Variants in AHNAK2 observed in about 807,000 individuals in gnomAD.
AHNAK2 encodes AHNAK nucleoprotein 2.
A neutral mutation model predicts 30.7 loss-of-function variants in AHNAK2; 18 were observed. The ratio of observed to expected loss-of-function variants is 0.59; its 90% CI spans 0.41 to 0.87. AHNAK2 has a LOEUF of 0.87. Ranked by LOEUF, AHNAK2 falls within the 40% of genes least tolerant of loss-of-function variation. AHNAK2 has a pLI of 0.00. For missense variants in AHNAK2, 8,604 were observed against 7,373.0 expected, an observed-to-expected ratio of 1.17 and a Z score of -6.11; for synonymous variants, 3,590 against 3,073.8, an observed-to-expected ratio of 1.17 and a Z score of -5.56.
Position 104,939,394 on chromosome 14 carries a change from C to T in AHNAK2, c.16057G>A (p.Gly5353Ser). Residue 5353 changes from glycine (G) to serine (S), a missense_variant, in exon 7 of 7, where the codon GGT becomes AGT. Transcript: ENST00000333244. ...CTTGAAGCTTTCAATTTAAGTGGAC[C>T]TTCAGGCTGGGAAGACCATTTCTCT... ...KTEKWSSQPEGPLKLKASSTD... is the reference protein window; with the variant it reads ...KTEKWSSQPESPLKLKASSTD... The T allele has an allele frequency of 1.2e-6, 2 of 1,613,634 alleles. No individual in the cohort carries two copies. Among genetic ancestry groups the T allele is most frequent in the Non-Finnish European group, 1.7e-6 (2 of 1,179,874 alleles).
intron 1 of AHNAK2, among the ~76,000 whole-genome samples, chr14:104,976,398 A>G (rs1300336872): frequency 6.6e-6 from 1 of 152,148 alleles, no homozygotes; most frequent in African/African-American, 2.4e-5. Flanking sequence ...AGCAGGGGAG[A>G]GTCCGCCCAT....
At chr14:104,967,245 T>A (rs1899331854) in intron 1 of AHNAK2, among the ~76,000 whole-genome samples, 1 of 151,818 alleles carries the variant, frequency 6.6e-6, no homozygotes, top group Non-Finnish European at 1.5e-5. Context: ...GGCAGGAGCC[T>A]GGATGGGTTG....
rs535871665 is a variant in AHNAK2 at position 104,949,331 on chromosome 14, G to A, written c.6120C>T (p.Pro2040=). The change falls in exon 7 of 7, where the codon CCC becomes CCT. Residue 2040 remains proline (P), a synonymous_variant. Transcript: ENST00000333244. The stretch of plus-strand genomic sequence containing the variant: ...TCTGGACCTTCAGGTCGGCAGAAGG[G>A]GGCTGAATGCTGAGGTCAGTGGTCT... ...DLKTTDLSIQ[P]PSADLKVQTG... 1,682 of 1,495,494 alleles carry A rather than the reference G, an allele frequency of 1.1e-3. 542 individuals are homozygous for A. The South Asian group carries it at 0.018, about 16-fold the overall frequency. The allele number at this position is 1,495,494 out of a possible 1,614,324, so 92.6% of individuals were successfully genotyped here.
chr14:104,941,280 C>T lies in AHNAK2; in HGVS notation c.14171G>A (p.Gly4724Asp), dbSNP rs377189197. ...GGAAAGACCTATGCTAGACTTTGCACCTGGGACTAAACTATCTTTAGGAGT... is the reference window on the plus strand; with the variant it reads ...GGAAAGACCTATGCTAGACTTTGCATCTGGGACTAAACTATCTTTAGGAGT... ...TKTPKDSLVPGAKSSIGLSTI... is the reference protein window; with the variant it reads ...TKTPKDSLVPDAKSSIGLSTI... Residue 4724 changes from glycine to aspartate, a missense_variant, in exon 7 of 7, where the codon GGT becomes GAT. Gly to Asp is a moderately conservative substitution (Grantham distance 94). Transcript: ENST00000333244. The T allele has an allele frequency of 9.3e-6, 15 of 1,613,408 alleles. No individual in the cohort carries two copies. The highest frequency in any genetic ancestry group is 1.3e-5 in the Non-Finnish European group (15 of 1,179,830).
intron 1 of AHNAK2, among the ~76,000 whole-genome samples, chr14:104,963,093 G>A (rs1899195934): frequency 6.6e-6 from 1 of 152,188 alleles, no homozygotes; most frequent in African/African-American, 2.4e-5. Context: ...TCTGGCAAAG[G>A]ACTTGCATGG....
At position 104,948,930 on chromosome 14, in the gene AHNAK2, GC is replaced by G; in HGVS notation, c.6520del (p.Ala2174ProfsTer14). The G allele has an allele frequency of 1.3e-6, 2 of 1,555,786 alleles. 1 individual carries two copies. Among genetic ancestry groups the G allele is most frequent in the Non-Finnish European group, 1.8e-6 (2 of 1,136,432 alleles). On this transcript the variant is annotated frameshift_variant, in exon 7 of 7. Coordinates refer to ENST00000333244, the MANE Select transcript of AHNAK2 (RefSeq NM_138420.4). LOFTEE classifies it low-confidence loss of function (END_TRUNC). ...GVSAPGKSIE[A>X]SVDVSPPKVE... ...CTTGGGTGGAGACACATCCACCGAG[GC>G]CTCGATGGACTTGCCTGGGGCAGAC...
chr14:104,939,969 G>A lies in AHNAK2; in HGVS notation c.15482C>T (p.Pro5161Leu), dbSNP rs1376206314. 1 of 1,611,998 alleles carries A rather than the reference G, an allele frequency of 6.2e-7. No individual in the cohort carries two copies. The highest frequency in any genetic ancestry group is 1.1e-5 in the South Asian group (1 of 91,082). Reference protein sequence around the residue: ...IAPTPEDPLQPSCRKPDAEVL... With the variant: ...IAPTPEDPLQLSCRKPDAEVL... ...TTCAGCATCTGGTTTTCTACAGGATGGCTGGAGGGGATCTTCAGGTGTGGG... is the reference window on the plus strand; with the variant it reads ...TTCAGCATCTGGTTTTCTACAGGATAGCTGGAGGGGATCTTCAGGTGTGGG... Residue 5161 changes from proline to leucine, a missense_variant, in exon 7 of 7, where the codon CCA (proline) becomes CTA (leucine). Transcript: ENST00000333244.
In AHNAK2 at chr14:104,945,942, G is replaced by C. The variant is rs373484776; in HGVS notation, c.9509C>G (p.Ala3170Gly). The C allele has an allele frequency of 1.2e-5, 15 of 1,249,524 alleles. 4 individuals are homozygous for C. The highest frequency in any genetic ancestry group is 1.7e-5 in the Non-Finnish European group (15 of 882,430). 77.4% of individuals were successfully genotyped at this position (1,249,524 alleles called of 1,614,324 possible). ...GCTCAGGTCGGCCTCCACCTTTGGCGCAGACACATCCACCAAGACCTCAAT... is the reference window on the plus strand; with the variant it reads ...GCTCAGGTCGGCCTCCACCTTTGGCCCAGACACATCCACCAAGACCTCAAT... ...KSIEVLVDVS[A>G]PKVEADLSLP... Residue 3170 changes from alanine (A) to glycine (G), a missense_variant, in exon 7 of 7, where the codon GCG (alanine) becomes GGG (glycine). Coordinates refer to ENST00000333244, the MANE Select transcript of AHNAK2 (RefSeq NM_138420.4).
chr14:104,940,210 C>T lies in AHNAK2; in HGVS notation c.15241G>A (p.Gly5081Arg). 6.2e-7 allele frequency: 1 copy of T among 1,613,606 alleles called. No homozygotes were observed. The highest frequency in any genetic ancestry group is 8.5e-7 in the Non-Finnish European group (1 of 1,179,888). Reference protein sequence around the residue: ...GGLGATASATGSEGVNLHRPQ... With the variant: ...GGLGATASATRSEGVNLHRPQ... ...CGGTGGAGGTTCACACCCTCACTTC[C>T]TGTGGCACTTGCTGTTGCACCAAGT... The change falls in exon 7 of 7, where the codon GGA (glycine) becomes AGA (arginine). Residue 5081 changes from glycine to arginine, a missense_variant. Gly to Arg is a moderately radical substitution (Grantham distance 125). Transcript: ENST00000333244. The surrounding 1 kb of genome is among the most constrained non-coding windows in gnomAD (Gnocchi z 4.4).
In AHNAK2 at chr14:104,947,372, G is replaced by A. The variant is rs768580246; in HGVS notation, c.8079C>T (p.Thr2693=). Residue 2693 remains threonine (T), a synonymous_variant, in exon 7 of 7, where the codon ACC becomes ACT. Transcript: ENST00000333244. ...AGGGGGGCTGAATGCTGATGTCAGTGGTCTTAAGGTCCCCTTGCATGGAGG... is the reference window on the plus strand; with the variant it reads ...AGGGGGGCTGAATGCTGATGTCAGTAGTCTTAAGGTCCCCTTGCATGGAGG... ...SLPSMQGDLK[T]TDISIQPPSA... 1.2e-6 allele frequency: 2 copies of A among 1,612,552 alleles called. No homozygotes were observed. The highest frequency in any genetic ancestry group is 1.7e-5 in the Admixed American group (1 of 59,898).
Position 104,938,757 on chromosome 14 carries a change from T to C in AHNAK2, c.16694A>G (p.Asp5565Gly). 1 of 1,613,880 alleles carries C rather than the reference T, an allele frequency of 6.2e-7. No homozygotes were observed. The highest frequency in any genetic ancestry group is 8.5e-7 in the Non-Finnish European group (1 of 1,179,882). ...ATPGVDSISG[D>G]LQPDTGEPFE... ...TGGTTCTCCAGTGTCAGGCTGGAGA[T>C]CTCCAGAAATGGAGTCTACTCCTGG... Residue 5565 changes from aspartate (D) to glycine (G), a missense_variant, in exon 7 of 7, where the codon GAT (aspartate) becomes GGT (glycine). Physicochemically the swap from Asp to Gly is moderately conservative, Grantham distance 94. Transcript: ENST00000333244.
At position 104,951,159 on chromosome 14, in the gene AHNAK2, A is replaced by G. The variant is rs745829689; in HGVS notation, c.4292T>C (p.Ile1431Thr). Reference sequence around the variant, plus strand: ...GTCCAGCTTGGGGCCCTTGATGTCTATTTCAGGGCCCTTGAGGTCCACTTT... The same window carrying G: ...GTCCAGCTTGGGGCCCTTGATGTCTGTTTCAGGGCCCTTGAGGTCCACTTT... Reference protein sequence around the residue: ...VPKVDLKGPEIDIKGPKLDLK... With the variant: ...VPKVDLKGPETDIKGPKLDLK... The change falls in exon 7 of 7, where the codon ATA becomes ACA. Residue 1431 changes from isoleucine (I) to threonine (T), a missense_variant. Ile to Thr is a moderately conservative substitution (Grantham distance 89, BLOSUM62 -1). Transcript: ENST00000333244. The G allele has an allele frequency of 1.5e-5, 16 of 1,068,466 alleles. 6 individuals carry two copies. The highest frequency in any genetic ancestry group is 2.2e-5 in the Non-Finnish European group (16 of 738,238). The allele number at this position is 1,068,466 out of a possible 1,614,324, so 66.2% of individuals were successfully genotyped here. A position where few individuals can be genotyped will look rare whatever the true frequency, so the allele number is the denominator to read the frequency against.
chr14:104,951,890 A>G lies in AHNAK2; in HGVS notation c.3561T>C (p.Asp1187=), dbSNP rs768934518. ...CGGCCTCCACTTTGGGTGCAGACAC[A>G]TCCACCGAGGCCTCGATGGACTTGC... is the stretch of plus-strand genomic sequence containing the variant. ...APGKSIEASV[D]VSAPKVEADV... Residue 1187 remains aspartate, a synonymous_variant, in exon 7 of 7, where the codon GAT becomes GAC. Coordinates refer to ENST00000333244, the MANE Select transcript of AHNAK2 (RefSeq NM_138420.4). The G allele has an allele frequency of 5.5e-5, 89 of 1,608,894 alleles. 2 individuals carry two copies. The highest frequency in any genetic ancestry group is 1.9e-4 in the South Asian group (17 of 90,548).
At chr14:104,968,217 C>T (rs1478368613) in intron 1 of AHNAK2, among the ~76,000 whole-genome samples, 5 of 152,206 alleles carry the variant, frequency 3.3e-5, no homozygotes, top group African/African-American at 9.7e-5. Flanking sequence ...GGAGGGACCC[C>T]GGGACCCAGG....
Position 104,951,251 on chromosome 14 carries a change from G to A in AHNAK2, c.4200C>T (p.Pro1400=), listed in dbSNP as rs557610829. The stretch of plus-strand genomic sequence containing the variant: ...CTTTGAGGCCGGCTCCCTCGGGCAC[G>A]GGGCCCTCTGGGAGTTTCACGTCCA... ...GQLDVKLPEG[P]VPEGAGLKGH... is the part of the protein sequence containing the mutation. Residue 1400 remains proline, a synonymous_variant, in exon 7 of 7, where the codon CCC becomes CCT. Coordinates refer to ENST00000333244, the MANE Select transcript of AHNAK2 (RefSeq NM_138420.4). 6.4e-4 allele frequency: 677 copies of A among 1,057,052 alleles called. 117 individuals carry two copies. In the East Asian group the frequency reaches 6.7e-3, roughly 10 times the overall value. 65.5% of individuals were successfully genotyped at this position (1,057,052 alleles called of 1,614,324 possible). A position where few individuals can be genotyped will look rare whatever the true frequency, so the allele number is the denominator to read the frequency against.
rs763764933 is a variant in AHNAK2, at chr14:104,948,430, C to A, written c.7021G>T (p.Ala2341Ser). 2 of 1,611,276 alleles carry A rather than the reference C, an allele frequency of 1.2e-6. No individual in the cohort carries two copies. Among genetic ancestry groups the A allele is most frequent in the African/African-American group, 2.7e-5 (2 of 74,082 alleles). The part of the protein sequence containing the change: ...SALGKSIEAS[A>S]DVSALKVEAD... ...TCCACCTTCAACGCAGACACATCCG[C>A]TGAGGCCTCGATGGACTTGCCAAGG... Residue 2341 changes from alanine (A) to serine (S), a missense_variant, in exon 7 of 7, where the codon GCG (alanine) becomes TCG (serine). Coordinates refer to ENST00000333244, the MANE Select transcript of AHNAK2 (RefSeq NM_138420.4).
Position 104,953,211 on chromosome 14 carries a change from G to T in AHNAK2, c.2240C>A (p.Pro747His), listed in dbSNP as rs755759007. The change falls in exon 7 of 7, where the codon CCC becomes CAC. Residue 747 changes from proline (P) to histidine (H), a missense_variant. Physicochemically the swap from Pro to His is moderately conservative, Grantham distance 77. Transcript: ENST00000333244. The stretch of plus-strand genomic sequence containing the variant: ...TTTGAGGCTGGCTCCCTCGGGCAGG[G>T]GGCCCTCCGGAAGTTTCACATCCAC... ...GQVDVKLPEG[P>H]LPEGASLKGH... The T allele has an allele frequency of 6.2e-7, 1 of 1,612,772 alleles. No individual in the cohort carries two copies. Among genetic ancestry groups the T allele is most frequent in the Non-Finnish European group, 8.5e-7 (1 of 1,179,606 alleles).
At position 104,948,371 on chromosome 14, in the gene AHNAK2, G is replaced by T. The variant is rs770792609; in HGVS notation, c.7080C>A (p.Asp2360Glu). ...GAACGCTGAGGTCAGTGGTCTTGAG[G>T]TCCCCCTGCATGGAGGGGAGGCTCA... ...ADVSLPSMQGDLKTTDLSVQP... is the reference protein window; with the variant it reads ...ADVSLPSMQGELKTTDLSVQP... The change falls in exon 7 of 7, where the codon GAC (aspartate) becomes GAA (glutamate). Residue 2360 changes from aspartate (D) to glutamate (E), a missense_variant. Physicochemically the swap from Asp to Glu is conservative, Grantham distance 45 (BLOSUM62 2). Coordinates refer to ENST00000333244, the MANE Select transcript of AHNAK2 (RefSeq NM_138420.4). The T allele has an allele frequency of 1.2e-6, 2 of 1,612,480 alleles. No homozygotes were observed. The highest frequency in any genetic ancestry group is 3.3e-5 in the Admixed American group (2 of 59,890).
Position 104,944,099 on chromosome 14 carries a change from C to G in AHNAK2, c.11352G>C (p.Gln3784His), listed in dbSNP as rs1187464065. 1.9e-6 allele frequency: 3 copies of G among 1,613,250 alleles called. No homozygotes were observed. Among genetic ancestry groups the G allele is most frequent in the Non-Finnish European group, 2.5e-6 (3 of 1,179,662 alleles). ...CGGCCAGGGACAGGTCCCCCTCCAG[C>G]TGTGCACTATCCAGTTTGGCTCTTG... is the stretch of plus-strand genomic sequence containing the variant. ...QAPRAKLDSA[Q>H]LEGDLSLADK... Residue 3784 changes from glutamine (Q) to histidine (H), a missense_variant, in exon 7 of 7, where the codon CAG becomes CAC. Physicochemically the swap from Gln to His is conservative, Grantham distance 24. Transcript: ENST00000333244.
Sources: allele counts gnomAD v4.1 joint callset (sites outside exome capture counted in the v4.1 genomes callset), GRCh38; gene constraint gnomAD v4.1.1; non-coding constraint Gnocchi (gnomAD v3.1); transcripts MANE v1.5; gene names NCBI Gene and HGNC (gene_info 2026-07-23, HGNC 2026-07-21).